CDC20: variants seen among roughly 807,000 people sequenced by gnomAD.
CDC20 encodes cell division cycle 20, also known as cell division cycle protein 20 homolog.
A neutral mutation model predicts 60.0 loss-of-function variants in CDC20; 34 were observed. The ratio of observed to expected loss-of-function variants is 0.57; its 90% CI spans 0.43 to 0.75. The LOEUF (loss-of-function observed/expected upper bound fraction) is 0.75, where lower values mean the gene tolerates loss of function less well. Among genes scored for constraint, CDC20 ranks in the 30% least tolerant of loss-of-function variants. CDC20 has a pLI of 0.00. For missense variants in CDC20, 469 were observed against 647.3 expected, an observed-to-expected ratio of 0.72 and a Z score of 2.99; for synonymous variants, 198 against 243.5, an observed-to-expected ratio of 0.81 and a Z score of 1.74.
chr1:43,359,507 G>A lies in CDC20; in HGVS notation c.199G>A (p.Val67Ile). The change falls in exon 3 of 11, where the codon GTT (valine) becomes ATT (isoleucine). Residue 67 changes from valine (V) to isoleucine (I), a missense_variant. By Grantham distance (29) the Val-to-Ile change is conservative (BLOSUM62 3). Transcript: ENST00000310955. ...CGCCCCAGGCAAATCCAGTTCCAAG[G>A]TTCAGACCACTCCTAGCAAACCTGG... ...GRTPGKSSSK[V>I]QTTPSKPGGD... 4.3e-6 allele frequency: 7 copies of A among 1,613,822 alleles called. No homozygotes were observed. Among genetic ancestry groups the A allele is most frequent in the Non-Finnish European group, 5.9e-6 (7 of 1,179,848 alleles).
In CDC20 at chr1:43,360,116, T is replaced by C. The variant is rs1647165325; in HGVS notation, c.556+19T>C. 1.2e-6 allele frequency: 2 copies of C among 1,614,070 alleles called. No individual in the cohort carries two copies. Among genetic ancestry groups the C allele is most frequent in the Admixed American group, 3.3e-5 (2 of 60,000 alleles). On this transcript the variant is annotated intron_variant, in intron 5 of 10. Coordinates refer to ENST00000310955, the MANE Select transcript of CDC20 (RefSeq NM_001255.3). ...GACTATTGTAAGTGCATCCTTATCC[T>C]CGCCTCATGCATGGAGAAAGAGGGC...
intron 8 of CDC20, 38 bp from the exon 9 acceptor site, chr1:43,361,082 G>A: frequency 6.2e-7 from 1 of 1,613,854 alleles, no homozygotes; most frequent in Non-Finnish European, 8.5e-7. Flanking sequence ...TCCTTGTCTG[G>A]CTCTAGTACC....
intron 9 of CDC20, 87 bp downstream of exon 9, chr1:43,361,332 C>A: frequency 7.7e-7 from 1 of 1,296,390 alleles, no homozygotes; most frequent in Non-Finnish European, 1.0e-6. Flanking sequence ...ACTCTATGCC[C>A]TGGTGATTCC....
At position 43,358,983 on chromosome 1, in the gene CDC20, G is replaced by A; in HGVS notation, c.-73G>A. On this transcript the variant is annotated 5_prime_UTR_variant, in exon 1 of 11. Coordinates refer to ENST00000310955, the MANE Select transcript of CDC20 (RefSeq NM_001255.3). ...GCGTAAGCCAGGCGTGTTAAAGCCG[G>A]TCGGAACTGCTCCGGAGGGCACGGT... 1 of 595,942 alleles carries A rather than the reference G, an allele frequency of 1.7e-6. No homozygotes were observed. Among genetic ancestry groups the A allele is most frequent in the South Asian group, 2.0e-5 (1 of 50,396 alleles). 36.9% of individuals were successfully genotyped at this position (595,942 alleles called of 1,614,324 possible). A position where few individuals can be genotyped will look rare whatever the true frequency, so the allele number is the denominator to read the frequency against.
rs749421572 is a variant in CDC20 at position 43,360,902 on chromosome 1, C to A, written c.1018C>A (p.Pro340Thr). Residue 340 changes from proline (P) to threonine (T), a missense_variant, in exon 8 of 11, where the codon CCT becomes ACT. By Grantham distance (38) the Pro-to-Thr change is conservative. Transcript: ENST00000310955. The stretch of plus-strand genomic sequence containing the variant: ...CTTGGTCAATGTGTGGCCTAGTGCT[C>A]CTGGAGAGGGTGGCTGGGTTCCTCT... ...DNLVNVWPSA[P>T]GEGGWVPLQT... is the part of the protein sequence containing the mutation. The A allele has an allele frequency of 1.2e-6, 2 of 1,614,116 alleles. No homozygotes were observed. The highest frequency in any genetic ancestry group is 2.2e-5 in the South Asian group (2 of 91,078).
In CDC20 at chr1:43,360,523, C is replaced by T. The variant is rs766272694; in HGVS notation, c.778C>T (p.Arg260Trp). ...VQLWDVQQQK[R>W]LRNMTSHSAR... Reference sequence around the variant, plus strand: ...GCTATGGGATGTGCAGCAGCAGAAACGGCTTCGAAATATGACCAGTCACTC... The same window carrying T: ...GCTATGGGATGTGCAGCAGCAGAAATGGCTTCGAAATATGACCAGTCACTC... The change falls in exon 7 of 11, where the codon CGG becomes TGG. Residue 260 changes from arginine (R) to tryptophan (W), a missense_variant. Arg to Trp is a moderately radical substitution (Grantham distance 101). Transcript: ENST00000310955. 4 of 1,613,980 alleles carry T rather than the reference C, an allele frequency of 2.5e-6. No homozygotes were observed. Among genetic ancestry groups the T allele is most frequent in the Admixed American group, 1.7e-5 (1 of 60,006 alleles).
At chr1:43,360,662 A>C (rs1314710023) in intron 7 of CDC20, 69 bp downstream of exon 7, 15 of 1,573,326 alleles carry the variant, frequency 9.5e-6, no homozygotes, top group Non-Finnish European at 1.3e-5. Flanking sequence ...TACACCCCTG[A>C]ACTGAACCAG....
In CDC20 at chr1:43,359,975, A is replaced by G. The variant is rs946396248; in HGVS notation, c.434A>G (p.Gln145Arg). 2 of 1,614,202 alleles carry G rather than the reference A, an allele frequency of 1.2e-6. No individual in the cohort carries two copies. Among genetic ancestry groups the G allele is most frequent in the Non-Finnish European group, 8.5e-7 (1 of 1,180,034 alleles). The change falls in exon 5 of 11, where the codon CAG becomes CGG. Residue 145 changes from glutamine to arginine, a missense_variant. By Grantham distance (43) the Gln-to-Arg change is conservative. Around this residue, in one of 5 missense-constraint regions of CDC20, gnomAD observed 255 missense variants for 326.7 expected, o/e 0.78. Transcript: ENST00000310955. ...GKPQNAPEGY[Q>R]NRLKVLYSQK... ...ACTCACTCCGTTGCCACAGGTTATC[A>G]GAACAGACTGAAAGTACTCTACAGC...
intron 8 of CDC20, 39 bp downstream of exon 8, chr1:43,361,000 C>A: frequency 4.4e-6 from 7 of 1,594,864 alleles, no homozygotes; most frequent in Non-Finnish European, 6.0e-6. Context: ...AGACCCTCAC[C>A]TATAATCTGG....
chr1:43,362,635 C>T (rs900375202), intron 10 of CDC20, among the ~76,000 whole-genome samples: 6 of 152,020 alleles, frequency 3.9e-5, no homozygotes, highest in South Asian at 2.1e-4. Flanking sequence ...GAGGCTGAGG[C>T]GGGCAGATCA....
rs746350521 is a variant in CDC20, at chr1:43,359,838, C to G, written c.427+17C>G. ...CGCCAGAGGGTAAGACCCGAAGTTC[C>G]TGGTTCCTGGAGGGAGGTGTCAGTT... On this transcript the variant is annotated intron_variant, in intron 4 of 10. Coordinates refer to ENST00000310955, the MANE Select transcript of CDC20 (RefSeq NM_001255.3). The G allele has an allele frequency of 8.1e-6, 13 of 1,613,328 alleles. No homozygotes were observed. Among genetic ancestry groups the G allele is most frequent in the Non-Finnish European group, 1.1e-5 (13 of 1,179,476 alleles).
rs1350704903 is a variant in CDC20 at position 43,359,587 on chromosome 1, C to T, written c.279C>T (p.Phe93=). The part of the protein sequence containing the change: ...RSAAQMEVAS[F]LLSKENQPEN... The stretch of plus-strand genomic sequence containing the variant: ...CTGCCCAGATGGAGGTGGCCAGCTT[C>T]CTCCTGAGCAAGGAGAACCAGCCTG... The change falls in exon 3 of 11, where the codon TTC becomes TTT. Residue 93 remains phenylalanine (F), a synonymous_variant. Transcript: ENST00000310955. 6 of 1,614,050 alleles carry T rather than the reference C, an allele frequency of 3.7e-6. No individual in the cohort carries two copies. In the South Asian group the frequency reaches 6.6e-5, roughly 18 times the overall value.
At chr1:43,359,919 C>A in intron 4 of CDC20, 50 bp from the exon 5 acceptor site, 1 of 1,604,002 alleles carries the variant, frequency 6.2e-7, no homozygotes, top group Non-Finnish European at 8.5e-7. Flanking sequence ...AGATTGAGGG[C>A]AAGGGAGGTG....
Position 43,359,842 on chromosome 1 carries a change from T to C in CDC20, c.427+21T>C, listed in dbSNP as rs758561125. On this transcript the variant is annotated intron_variant, in intron 4 of 10. Transcript: ENST00000310955. ...AGAGGGTAAGACCCGAAGTTCCTGG[T>C]TCCTGGAGGGAGGTGTCAGTTCATC... The C allele has an allele frequency of 2.5e-6, 4 of 1,612,610 alleles. No individual in the cohort carries two copies. In the East Asian group the frequency reaches 8.9e-5, roughly 36 times the overall value.
intron 3 of CDC20, 25 bp downstream of exon 3, chr1:43,359,663 G>T (rs778393184): frequency 1.3e-5 from 21 of 1,613,950 alleles, no homozygotes; most frequent in Non-Finnish European, 1.7e-5. Flanking sequence ...GGGGCTTAAG[G>T]CACGGGACCT....
At chr1:43,359,088 G>T in intron 1 of CDC20, 79 bp from the exon 2 acceptor site, 1 of 942,280 alleles carries the variant, frequency 1.1e-6, no homozygotes, top group Non-Finnish European at 1.7e-6. Context: ...GCAGCCGAGG[G>T]TGGCCCTGAT....
At chr1:43,361,303 C>G in intron 9 of CDC20, 58 bp downstream of exon 9, 1 of 1,480,538 alleles carries the variant, frequency 6.8e-7, no homozygotes, top group South Asian at 1.4e-5. Context: ...CAACTACATT[C>G]ACTCCAATGG....
chr1:43,360,377 T>G lies in CDC20; in HGVS notation c.741T>G (p.Ser247Arg), dbSNP rs750276865. 6 of 1,614,012 alleles carry G rather than the reference T, an allele frequency of 3.7e-6. No homozygotes were observed. Among genetic ancestry groups the G allele is most frequent in the Non-Finnish European group, 4.2e-6 (5 of 1,179,972 alleles). Residue 247 changes from serine to arginine, a missense_variant, in exon 6 of 11, where the codon AGT becomes AGG. This residue lies in a region of CDC20 where 255 missense variants were observed against 326.7 expected (regional missense o/e 0.78). Transcript: ENST00000310955. Reference protein sequence around the residue: ...EGNYLAVGTSSAEVQLWDVQQ... With the variant: ...EGNYLAVGTSRAEVQLWDVQQ... ...ACTACTTGGCTGTGGGCACCAGCAG[T>G]GCTGAGGTGCAGGTGAGACGTGTCC...
At chr1:43,362,738 A>T (rs969565120) in intron 10 of CDC20, among the ~76,000 whole-genome samples, 10 of 151,986 alleles carry the variant, frequency 6.6e-5, no homozygotes, top group Admixed American at 6.6e-5. Flanking sequence ...GGTGGCAAGC[A>T]CCTGTAGTCC....
Sources: gnomAD v4.1 joint callset for allele counts (sites outside exome capture counted in the v4.1 genomes callset) on GRCh38, gnomAD v4.1.1 for gene constraint, gnomAD v4.1.1 regional missense constraint, MANE v1.5 for transcripts, NCBI Gene and HGNC (gene_info 2026-07-23, HGNC 2026-07-21) for gene names.